Variants in ERCC1 observed in about 807,000 individuals in gnomAD.
The protein encoded by ERCC1 is DNA excision repair protein ERCC-1.
ERCC1 carries 36 observed loss-of-function variants against 37.6 expected under a neutral mutation model. The ratio of observed to expected loss-of-function variants is 0.96; its 90% CI spans 0.73 to 1.26. The LOEUF (loss-of-function observed/expected upper bound fraction) is 1.26. ERCC1 is among the 50% of genes most tolerant of loss of function. The probability of loss-of-function intolerance (pLI) is 0.00; values close to 1 mark genes in which losing one functional copy is unlikely to be tolerated. For synonymous variants in ERCC1, 156 were observed against 162.1 expected (o/e 0.96, Z 0.28); for missense variants, 349 against 376.5 (o/e 0.93, Z 0.60).
In ERCC1 at chr19:45,411,088, T is replaced by A. The variant is rs138026140; in HGVS notation, c.844-1363A>T. 2.9e-3 allele frequency among the ~76,000 whole-genome samples: 449 copies of A among 152,342 alleles called. 5 individuals carry two copies. The highest frequency in any genetic ancestry group is 0.01 in the African/African-American group (425 of 41,580). ...ATCTGCCCGCCTCGGCCTCCCAAAG[T>A]GCTGGGATTAGAGGTGTGAGCCACC... On this transcript the variant is annotated intron_variant, in intron 9 of 9. Coordinates refer to ENST00000300853, the MANE Select transcript of ERCC1 (RefSeq NM_001983.4).
chr19:45,424,913 C>CTTTT (rs1369720839), upstream of ERCC1, among the ~76,000 whole-genome samples: 1 of 123,372 alleles, frequency 8.1e-6, no homozygotes, highest in African/African-American at 3.8e-5. Context: ...ATGATAAATT[C>CTTTT]TTTTTTTTCT....
chr19:45,432,988 G>T (rs1295351104), intron 1 of ERCC1, among the ~76,000 whole-genome samples: 1 of 152,236 alleles, frequency 6.6e-6, no homozygotes, highest in African/African-American at 2.4e-5. Context: ...GCTGAGGCAG[G>T]AGAATCGCTT....
intron 1 of ERCC1, among the ~76,000 whole-genome samples, chr19:45,432,666 C>G (rs189551837): frequency 2.0e-5 from 3 of 152,286 alleles, no homozygotes; most frequent in Admixed American, 2.0e-4. Flanking sequence ...CTCAGCCTCC[C>G]AAATAGCTAG....
rs562410768 is a variant in ERCC1 at position 45,417,604 on chromosome 19, G to T, written c.526-707C>A. 3.3e-4 allele frequency among the ~76,000 whole-genome samples: 50 copies of T among 152,268 alleles called. No homozygotes were observed. The East Asian group carries it at 9.5e-3, about 29-fold the overall frequency. ...ATGGAATCTTAGAGACGGGCCTGGA[G>T]AACTGGGTAGAGGTTGGAGGTCACA... is the stretch of plus-strand genomic sequence containing the variant. On this transcript the variant is annotated intron_variant, in intron 5 of 9. Coordinates refer to ENST00000300853, the MANE Select transcript of ERCC1 (RefSeq NM_001983.4).
At chr19:45,444,349 C>G (rs1299819763) in intron 1 of ERCC1, among the ~76,000 whole-genome samples, 16 of 150,466 alleles carry the variant, frequency 1.1e-4, no homozygotes, top group Admixed American at 8.6e-4. Context: ...GCGCCCCTCC[C>G]GGGCGCGCTC....
At chr19:45,412,189 G>C (rs927599300) in intron 9 of ERCC1, among the ~76,000 whole-genome samples, 11 of 147,334 alleles carry the variant, frequency 7.5e-5, no homozygotes, top group African/African-American at 2.8e-4. Context: ...ATGGAGTTTT[G>C]CTTCTGTTGT....
At chr19:45,437,203 C>G (rs1197086015) in intron 1 of ERCC1, among the ~76,000 whole-genome samples, 2 of 152,080 alleles carry the variant, frequency 1.3e-5, no homozygotes, top group Admixed American at 1.3e-4. Flanking sequence ...GAGCCTTGAT[C>G]ACGCCACTGC....
chr19:45,442,852 G>A (rs1241563934), intron 1 of ERCC1, among the ~76,000 whole-genome samples: 1 of 152,088 alleles, frequency 6.6e-6, no homozygotes, highest in African/African-American at 2.4e-5. Flanking sequence ...GCAGCAGGGC[G>A]TGGCCCCTCC....
chr19:45,415,713 T>A, intron 6 of ERCC1: 2 of 451,856 alleles, frequency 4.4e-6, no homozygotes, highest in Non-Finnish European at 4.4e-6. Flanking sequence ...AAATACAACC[T>A]GGTAGTAACC....
chr19:45,446,591 A>T (rs565028429), intron 1 of ERCC1, among the ~76,000 whole-genome samples: 79 of 152,254 alleles, frequency 5.2e-4, no homozygotes, highest in African/African-American at 1.9e-3. Flanking sequence ...CCAAGCCCAC[A>T]CACCCGAACA....
Position 45,413,319 on chromosome 19 carries a change from C to T in ERCC1, c.843+358G>A, listed in dbSNP as rs3212979. ...GATCGCTCTGTCACCCAGGCTGGAG[C>T]GTAGTAACATGCTTATAGCTCACTG... On this transcript the variant is annotated intron_variant, in intron 9 of 9. Coordinates refer to ENST00000300853, the MANE Select transcript of ERCC1 (RefSeq NM_001983.4). 1.5e-3 allele frequency: 810 copies of T among 535,046 alleles called. 15 individuals carry two copies. The Admixed American group carries it at 0.021, about 14-fold the overall frequency. The allele number at this position is 535,046 out of a possible 1,614,324, so 33.1% of individuals were successfully genotyped here. A position where few individuals can be genotyped will look rare whatever the true frequency, so the allele number is the denominator to read the frequency against.
chr19:45,419,123 C>G lies in ERCC1; in HGVS notation c.500G>C (p.Arg167Pro), dbSNP rs765054963. Reference protein sequence around the residue: ...LQSLGKNFALRVLLVQVDVKD... With the variant: ...LQSLGKNFALPVLLVQVDVKD... Reference sequence around the variant, plus strand: ...CACATCCACCTGGACAAGCAGGACCCGCAAGGCGAAGTTCTTCCCCAGGCT... The same window carrying G: ...CACATCCACCTGGACAAGCAGGACCGGCAAGGCGAAGTTCTTCCCCAGGCT... The change falls in exon 5 of 10, where the codon CGG (arginine) becomes CCG (proline). Residue 167 changes from arginine (R) to proline (P), a missense_variant. By Grantham distance (103) the Arg-to-Pro change is moderately radical (BLOSUM62 -2). Coordinates refer to ENST00000300853, the MANE Select transcript of ERCC1 (RefSeq NM_001983.4). The G allele has an allele frequency of 2.5e-6, 4 of 1,588,248 alleles. No homozygotes were observed. The highest frequency in any genetic ancestry group is 3.4e-6 in the Non-Finnish European group (4 of 1,166,354).
chr19:45,430,151 G>A (rs1974798377), intron 1 of ERCC1, among the ~76,000 whole-genome samples: 1 of 152,222 alleles, frequency 6.6e-6, no homozygotes, highest in African/African-American at 2.4e-5. Context: ...CAGGGTCAAG[G>A]CCATCTCAGT....
In ERCC1 at chr19:45,408,237, G is replaced by A; in HGVS notation, c.*1438C>T. 6.2e-7 allele frequency: 1 copy of A among 1,614,146 alleles called. No individual in the cohort carries two copies. The highest frequency in any genetic ancestry group is 8.5e-7 in the Non-Finnish European group (1 of 1,180,024). On this transcript the variant is annotated 3_prime_UTR_variant, in exon 10 of 10. Transcript: ENST00000300853. ...GTCCTCAGCAGCTGTCCCCAAGCTG[G>A]AGAAGCGACCCTGCTGGCCCCCTCA... is the stretch of plus-strand genomic sequence containing the variant.
chr19:45,442,426 T>G (rs748119304), intron 1 of ERCC1, among the ~76,000 whole-genome samples: 7 of 152,214 alleles, frequency 4.6e-5, no homozygotes, highest in Admixed American at 1.3e-4. Flanking sequence ...ATTAACTATT[T>G]TTTATGTATC....
At chr19:45,441,711 TCTGTCACCCAGG>T (rs1467649460) in intron 1 of ERCC1, among the ~76,000 whole-genome samples, 1 of 148,066 alleles carries the variant, frequency 6.8e-6, no homozygotes, top group African/African-American at 2.5e-5. Context: ...GGAGTCTTGC[TCTGTCACCCAGG>T]CTGGAGTGCA....
chr19:45,413,867 A>G (rs1973885712), intron 8 of ERCC1, 96 bp downstream of exon 8: 1 of 1,566,956 alleles, frequency 6.4e-7, no homozygotes, highest in South Asian at 1.1e-5. Flanking sequence ...AGGACGGGCA[A>G]GGGGTGGGCA....
chr19:45,430,898 C>G (rs1210995201), intron 1 of ERCC1, among the ~76,000 whole-genome samples: 1 of 151,594 alleles, frequency 6.6e-6, no homozygotes, highest in African/African-American at 2.4e-5. Flanking sequence ...CAGAGCAAGA[C>G]CTCGTCTCAA....
Position 45,430,321 on chromosome 19 carries a change from A to G in ERCC1, c.-7-6940T>C, listed in dbSNP as rs116976993. On this transcript the variant is annotated intron_variant, in intron 1 of 8. Transcript: ENST00000423698. ...ACCGGCACGCATGATTCTGAGCCTT[A>G]TCTCCTGTGGGCCTCGCTGCAGCCC... Among the ~76,000 whole-genome samples the G allele has an allele frequency of 8.5e-5, 13 of 152,344 alleles. No homozygotes were observed. The East Asian group carries it at 2.5e-3, about 29-fold the overall frequency.
Sources: gnomAD v4.1 joint callset for allele counts (sites outside exome capture counted in the v4.1 genomes callset) on GRCh38, gnomAD v4.1.1 for gene constraint, MANE v1.5 for transcripts, NCBI Gene and HGNC (gene_info 2026-07-23, HGNC 2026-07-21) for gene names.